The following H6PD variants were observed in gnomAD, a reference collection of about 807,000 sequenced individuals.
H6PD encodes the protein hexose-6-phosphate dehydrogenase/glucose 1-dehydrogenase.
H6PD carries 48 observed loss-of-function variants against 61.2 expected under a neutral mutation model. The observed-to-expected ratio is 0.78, with a 90% confidence interval of 0.62 to 1.00. The LOEUF (loss-of-function observed/expected upper bound fraction) is 1.00, where lower values mean the gene tolerates loss of function less well. Ranked by LOEUF, H6PD falls within the 50% of genes least tolerant of loss-of-function variation. H6PD has a pLI of 0.00. For missense variants in H6PD, 1,093 were observed against 1,065.0 expected (o/e 1.03, Z -0.37); for synonymous variants, 480 against 457.9 (o/e 1.05, Z -0.62).
intron 3 of H6PD, among the ~76,000 whole-genome samples, chr1:9,257,775 C>T (rs934187306): frequency 6.6e-6 from 1 of 152,222 alleles, no homozygotes; most frequent in African/African-American, 2.4e-5. Flanking sequence ...ACAAACAAAT[C>T]CCAGGTTAGG....
chr1:9,252,991 G>A (rs1213055582), intron 3 of H6PD, among the ~76,000 whole-genome samples: 1 of 152,122 alleles, frequency 6.6e-6, no homozygotes, highest in Non-Finnish European at 1.5e-5. Flanking sequence ...AATACACTAG[G>A]AGCCAATATA....
At chr1:9,263,271 G>A (rs1638398102) in intron 4 of H6PD, among the ~76,000 whole-genome samples, 1 of 152,166 alleles carries the variant, frequency 6.6e-6, no homozygotes, top group African/African-American at 2.4e-5. Context: ...AACTCTAAGA[G>A]GGGCCTCAAT....
rs180972425 is a variant in H6PD, at chr1:9,262,099, C to T, written c.786C>T (p.Asp262=). Residue 262 remains aspartate, a synonymous_variant, in exon 4 of 5, where the codon GAC becomes GAT. Coordinates refer to ENST00000377403, the MANE Select transcript of H6PD (RefSeq NM_004285.4). ...SFYEEYGVIR[D]VLQNHLTEVL... ...ATGAGGAGTACGGTGTCATTCGCGACGTCCTCCAGAACCATCTGACGGAGG... is the reference window on the plus strand; with the variant it reads ...ATGAGGAGTACGGTGTCATTCGCGATGTCCTCCAGAACCATCTGACGGAGG... 8.7e-5 allele frequency: 140 copies of T among 1,614,198 alleles called. No individual in the cohort carries two copies. The highest frequency in any genetic ancestry group is 5.1e-4 in the East Asian group (23 of 44,886).
rs199782560 is a variant in H6PD, at chr1:9,263,547, G to T, written c.1054G>T (p.Val352Leu). The change falls in exon 5 of 5, where the codon GTG (valine) becomes TTG (leucine). Residue 352 changes from valine (V) to leucine (L), a missense_variant. Coordinates refer to ENST00000377403, the MANE Select transcript of H6PD (RefSeq NM_004285.4). ...VHIDNLRWEG[V>L]PFILMSGKAL... ...CATTGACAACCTTCGCTGGGAGGGC[G>T]TGCCTTTCATCCTGATGTCTGGCAA... The T allele has an allele frequency of 1.2e-6, 2 of 1,614,100 alleles. No individual in the cohort carries two copies. Among genetic ancestry groups the T allele is most frequent in the Admixed American group, 3.3e-5 (2 of 60,030 alleles).
intron 1 of H6PD, among the ~76,000 whole-genome samples, chr1:9,240,732 A>C (rs776611469): frequency 6.6e-6 from 1 of 152,260 alleles, no homozygotes; most frequent in African/African-American, 2.4e-5. Context: ...GGCTACTTCC[A>C]TGCTCTTTGG....
At chr1:9,262,802 C>A (rs550811448) in intron 4 of H6PD, among the ~76,000 whole-genome samples, 95 of 152,362 alleles carry the variant, frequency 6.2e-4, no homozygotes, top group African/African-American at 2.2e-3. Context: ...GTAAGAGCCA[C>A]AGCTGCCTGT....
In H6PD at chr1:9,263,676, C is replaced by T. The variant is rs751338036; in HGVS notation, c.1183C>T (p.Pro395Ser). The T allele has an allele frequency of 3.1e-6, 5 of 1,613,980 alleles. No individual in the cohort carries two copies. The highest frequency in any genetic ancestry group is 2.2e-5 in the East Asian group (1 of 44,884). ...HWAAAQSQCL[P>S]RQLVFHIGHG... Reference sequence around the variant, plus strand: ...GGCCGCGGCGCAGAGCCAGTGCCTGCCCCGGCAGCTCGTCTTCCACATCGG... The same window carrying T: ...GGCCGCGGCGCAGAGCCAGTGCCTGTCCCGGCAGCTCGTCTTCCACATCGG... The change falls in exon 5 of 5, where the codon CCC becomes TCC. Residue 395 changes from proline to serine, a missense_variant. Physicochemically the swap from Pro to Ser is moderately conservative, Grantham distance 74 (BLOSUM62 -1). Transcript: ENST00000377403.
chr1:9,257,372 A>G (rs1286583344), intron 3 of H6PD, among the ~76,000 whole-genome samples: 1 of 152,044 alleles, frequency 6.6e-6, no homozygotes, highest in Non-Finnish European at 1.5e-5. Flanking sequence ...TCTGGGCTCA[A>G]GTGATCCTCC....
rs1423782229 is a variant in H6PD, at chr1:9,244,993, A to G, written c.59A>G (p.Gln20Arg). ...CLALLGCLQA[Q>R]ELQGHVSIIL... ...GCCCTTCTGGGCTGCCTGCAAGCCC[A>G]GGAGCTCCAGGGACATGTCTCCATA... is the stretch of plus-strand genomic sequence containing the variant. The change falls in exon 2 of 5, where the codon CAG (glutamine) becomes CGG (arginine). Residue 20 changes from glutamine to arginine, a missense_variant. Coordinates refer to ENST00000377403, the MANE Select transcript of H6PD (RefSeq NM_004285.4). 1 of 1,613,968 alleles carries G rather than the reference A, an allele frequency of 6.2e-7. No homozygotes were observed. Among genetic ancestry groups the G allele is most frequent in the Non-Finnish European group, 8.5e-7 (1 of 1,179,922 alleles).
intron 3 of H6PD, among the ~76,000 whole-genome samples, chr1:9,257,845 C>G (rs1210131606): frequency 1.3e-5 from 2 of 152,248 alleles, no homozygotes; most frequent in Non-Finnish European, 2.9e-5. Flanking sequence ...GCCAGGCTCT[C>G]TCTGTAGGTG....
At chr1:9,237,955 G>A (rs866798321) in intron 1 of H6PD, among the ~76,000 whole-genome samples, 2 of 152,320 alleles carry the variant, frequency 1.3e-5, no homozygotes, top group South Asian at 4.1e-4. Context: ...TCATTGGCAC[G>A]CACACTCTTG....
rs766967139 is a variant in H6PD at position 9,264,843 on chromosome 1, A to G, written c.2350A>G (p.Met784Val). Residue 784 changes from methionine to valine, a missense_variant, in exon 5 of 5, where the codon ATG becomes GTG. Physicochemically the swap from Met to Val is conservative, Grantham distance 21. Coordinates refer to ENST00000377403, the MANE Select transcript of H6PD (RefSeq NM_004285.4). ...LPHSGQLVWYMDYDAFLG is the reference protein window; with the variant it reads ...LPHSGQLVWYVDYDAFLG ...GCACTCCGGCCAGCTGGTGTGGTAC[A>G]TGGACTACGACGCCTTCCTGGGATG... is the stretch of plus-strand genomic sequence containing the variant. 5.0e-6 allele frequency: 8 copies of G among 1,612,288 alleles called. No homozygotes were observed. Among genetic ancestry groups the G allele is most frequent in the Admixed American group, 1.7e-5 (1 of 60,026 alleles).
chr1:9,251,432 C>T, intron 3 of H6PD, among the ~76,000 whole-genome samples: 1 of 101,632 alleles, frequency 9.8e-6, no homozygotes, highest in South Asian at 2.8e-4. Context: ...GTGTAGAAGG[C>T]CTGCTGTTGT....
intron 3 of H6PD, among the ~76,000 whole-genome samples, chr1:9,261,153 G>C (rs1001971652): frequency 1.1e-4 from 17 of 152,034 alleles, no homozygotes; most frequent in African/African-American, 3.9e-4. Flanking sequence ...CCAAGACCAG[G>C]GGTCGATCCC....
At chr1:9,236,471 A>G (rs1640851244) in intron 1 of H6PD, among the ~76,000 whole-genome samples, 1 of 152,178 alleles carries the variant, frequency 6.6e-6, no homozygotes, top group South Asian at 2.1e-4. Context: ...AGCCTTGCCA[A>G]CATGGTGAAA....
Position 9,269,037 on chromosome 1 carries a change from C to A in H6PD, c.*4168C>A, listed in dbSNP as rs926839337. The A allele has an allele frequency of 2.9e-5, 4 of 136,168 alleles. No homozygotes were observed. Among genetic ancestry groups the A allele is most frequent in the Admixed American group, 2.2e-4 (3 of 13,368 alleles). The allele number at this position is 136,168 out of a possible 1,614,324, so 8.4% of individuals were successfully genotyped here. ...ACATGGGGCTCCCTTAGAACTTACT[C>A]CACTGATTTAAAAAAAAAAAACTGC... is the stretch of plus-strand genomic sequence containing the variant. On this transcript the variant is annotated 3_prime_UTR_variant, in exon 5 of 5. Transcript: ENST00000377403. The surrounding 1 kb of genome is among the most constrained non-coding windows in gnomAD (Gnocchi z 4.3).
intron 1 of H6PD, chr1:9,242,857 C>T (rs764582028): frequency 2.0e-6 from 2 of 985,430 alleles, no homozygotes; most frequent in South Asian, 4.7e-5. Flanking sequence ...CTGCACTGAC[C>T]TTGCAGCTTC....
At position 9,264,451 on chromosome 1, in the gene H6PD, C is replaced by T; in HGVS notation, c.1958C>T (p.Pro653Leu). The part of the protein sequence containing the change: ...HVRIPYYNIH[P>L]MPVHLQQRLC... ...CGGATCCCCTACTACAACATCCACC[C>T]CATGCCTGTGCACCTGCAGCAGCGG... is the stretch of plus-strand genomic sequence containing the variant. The change falls in exon 5 of 5, where the codon CCC becomes CTC. Residue 653 changes from proline (P) to leucine (L), a missense_variant. By Grantham distance (98) the Pro-to-Leu change is moderately conservative (BLOSUM62 -3). Coordinates refer to ENST00000377403, the MANE Select transcript of H6PD (RefSeq NM_004285.4). 1 of 1,613,318 alleles carries T rather than the reference C, an allele frequency of 6.2e-7. No individual in the cohort carries two copies. Among genetic ancestry groups the T allele is most frequent in the Middle Eastern group, 1.6e-4 (1 of 6,062 alleles).
In H6PD at chr1:9,234,922, GAC is replaced by G. The variant is rs1417000569; in HGVS notation, c.-152_-151del. ...AGTGTCGTGCGGCGCGTGGCCGCGTGACACGCGCACTTGTCGGAGTGACGGGC... is the reference window on the plus strand; with the variant it reads ...AGTGTCGTGCGGCGCGTGGCCGCGTGACGCGCACTTGTCGGAGTGACGGGC... On this transcript the variant is annotated 5_prime_UTR_variant, in exon 1 of 5. Coordinates refer to ENST00000377403, the MANE Select transcript of H6PD (RefSeq NM_004285.4). 2 of 147,888 alleles carry G rather than the reference GAC, an allele frequency of 1.4e-5. No homozygotes were observed. Among genetic ancestry groups the G allele is most frequent in the African/African-American group, 4.9e-5 (2 of 41,026 alleles). The allele number at this position is 147,888 out of a possible 1,614,324, so 9.2% of individuals were successfully genotyped here. A position where few individuals can be genotyped will look rare whatever the true frequency, so the allele number is the denominator to read the frequency against.
Sources: gnomAD v4.1 joint callset for allele counts (sites outside exome capture counted in the v4.1 genomes callset) on GRCh38, gnomAD v4.1.1 for gene constraint, Gnocchi (gnomAD v3.1) non-coding constraint, MANE v1.5 for transcripts, NCBI Gene and HGNC (gene_info 2026-07-23, HGNC 2026-07-21) for gene names.